The following BRD3 variants were observed in gnomAD, a reference collection of about 807,000 sequenced individuals.
BRD3 encodes bromodomain containing 3.
Under a neutral mutation model 66.8 loss-of-function variants are expected in BRD3, and 17 were observed. That is an observed-to-expected ratio of 0.25 (90% CI 0.17 to 0.38). The LOEUF (loss-of-function observed/expected upper bound fraction) is 0.38, where lower values mean the gene tolerates loss of function less well. BRD3 is among the 10% of genes least tolerant of loss of function. BRD3 has a pLI of 1.00. For synonymous variants in BRD3, 421 were observed against 393.2 expected, an observed-to-expected ratio of 1.07 and a Z score of -0.84; for missense variants, 713 against 956.1, an observed-to-expected ratio of 0.75 and a Z score of 3.35.
Position 134,031,501 on chromosome 9 carries a change from C to T in BRD3, c.*2089G>A, listed in dbSNP as rs1030489138. ...TCTGTTTAGAAAATACCTTTGAAAA[C>T]GAGGGTAACTTTAAAAAATGGAAAC... is the stretch of plus-strand genomic sequence containing the variant. On this transcript the variant is annotated 3_prime_UTR_variant, in exon 12 of 12. Transcript: ENST00000303407. 14 of 193,182 alleles carry T rather than the reference C, an allele frequency of 7.2e-5. No homozygotes were observed. Among genetic ancestry groups the T allele is most frequent in the South Asian group, 2.0e-4 (1 of 4,916 alleles). 12.0% of individuals were successfully genotyped at this position (193,182 alleles called of 1,614,324 possible).
intron 9 of BRD3, among the ~76,000 whole-genome samples, chr9:134,037,697 A>G (rs997957054): frequency 1.4e-5 from 2 of 140,554 alleles, no homozygotes; most frequent in Admixed American, 7.5e-5. Flanking sequence ...AGAAATAAAT[A>G]AAAGTAAAAA....
chr9:134,034,710 C>T lies in BRD3; in HGVS notation c.2056G>A (p.Ala686Thr), dbSNP rs770784423. The stretch of plus-strand genomic sequence containing the variant: ...CGGCCGCCAGCGGTACCTTTCCGGG[C>T]GGGCTTCTTGCTGCTGCTCAGCTGC... Reference protein sequence around the residue: ...SGQLSSSKKPARKEKPGSAPS... With the variant: ...SGQLSSSKKPTRKEKPGSAPS... The change falls in exon 11 of 12, where the codon GCC becomes ACC. Residue 686 changes from alanine to threonine, a missense_variant. By Grantham distance (58) the Ala-to-Thr change is moderately conservative (BLOSUM62 0). This residue lies in a region of BRD3 where 42 missense variants were observed against 29.2 expected (regional missense o/e 1.44). Coordinates refer to ENST00000303407, the MANE Select transcript of BRD3 (RefSeq NM_007371.4). 1.0e-5 allele frequency: 16 copies of T among 1,604,998 alleles called. No homozygotes were observed. The highest frequency in any genetic ancestry group is 4.0e-5 in the African/African-American group (3 of 74,936).
intron 1 of BRD3, among the ~76,000 whole-genome samples, 157 bp downstream of exon 1, chr9:134,067,788 C>A (rs777679857): frequency 3.5e-5 from 5 of 143,850 alleles, no homozygotes; most frequent in Non-Finnish European, 6.2e-5. Context: ...CGCACAAAGG[C>A]GGCGGCGGCG....
Position 134,048,298 on chromosome 9 carries a change from T to A in BRD3, c.871A>T (p.Lys291Ter). 6.2e-7 allele frequency: 1 copy of A among 1,604,322 alleles called. No individual in the cohort carries two copies. Residue 291 changes from lysine (K) to a stop codon, truncating the protein, a stop_gained, in exon 6 of 12, where the codon AAG (lysine) becomes TAG (stop). Transcript: ENST00000303407. LOFTEE classifies it high-confidence loss of function. ...GGCACCTCGCCGTCCTCCAGGTCCT[T>A]CTTGGGAGGCTTGATGGGGCGGCCA... Reference protein sequence around the residue: ...SGGRPIKPPKKDLEDGEVPQH... With the variant: ...SGGRPIKPPK
chr9:134,051,145 C>G (rs1434098357), intron 4 of BRD3, among the ~76,000 whole-genome samples: 2 of 152,190 alleles, frequency 1.3e-5, no homozygotes. Flanking sequence ...ACCAGGGAAC[C>G]AGGCAGGTGA....
chr9:134,062,541 T>G (rs1716789754), intron 1 of BRD3, among the ~76,000 whole-genome samples: 1 of 151,994 alleles, frequency 6.6e-6, no homozygotes, highest in Admixed American at 6.6e-5. Flanking sequence ...TCTCTGAAGG[T>G]TTCCCTTCCT....
Position 134,030,677 on chromosome 9 carries a change from C to CA in BRD3, c.*2912dup. On this transcript the variant is annotated 3_prime_UTR_variant, in exon 12 of 12. Transcript: ENST00000303407. ...TCTGTATGTGGGTGTTACTCTTTCC[C>CA]AAAAGACTGTCAGAGGCGTGAGTGC... The CA allele has an allele frequency of 4.3e-6, 1 of 230,104 alleles. No homozygotes were observed. The highest frequency in any genetic ancestry group is 8.6e-6 in the Non-Finnish European group (1 of 116,078). 14.3% of individuals were successfully genotyped at this position (230,104 alleles called of 1,614,324 possible).
chr9:134,051,339 G>A lies in BRD3; in HGVS notation c.499+223C>T, dbSNP rs532541254. Among the ~76,000 whole-genome samples, 3 of 152,336 alleles carry A rather than the reference G, an allele frequency of 2.0e-5. No homozygotes were observed. The South Asian group carries it at 6.2e-4, about 32-fold the overall frequency. On this transcript the variant is annotated intron_variant, in intron 4 of 11. Coordinates refer to ENST00000303407, the MANE Select transcript of BRD3 (RefSeq NM_007371.4). ...TAGACCATGAGCTCCTCCCCAGCGT[G>A]GGCTCAAAGGCAGCCAGCTATGGCG...
intron 1 of BRD3, among the ~76,000 whole-genome samples, chr9:134,055,530 T>TC (rs1250237114): frequency 2.0e-5 from 3 of 152,016 alleles, no homozygotes; most frequent in Non-Finnish European, 2.9e-5. Context: ...TCCTTCCACT[T>TC]CCCCACGAGG....
chr9:134,040,599 A>T (rs1028605144), intron 8 of BRD3, among the ~76,000 whole-genome samples: 1 of 152,256 alleles, frequency 6.6e-6, no homozygotes, highest in Admixed American at 6.5e-5. Flanking sequence ...TCGGGGATAC[A>T]TGTGCAGAAT....
chr9:134,054,214 G>A (rs1234702344), intron 1 of BRD3: 2 of 152,324 alleles, frequency 1.3e-5, no homozygotes, highest in African/African-American at 2.4e-5. Flanking sequence ...CCTGGCTCTC[G>A]GCCAATCAGA....
In BRD3 at chr9:134,041,771, G is replaced by A; in HGVS notation, c.1396C>T (p.Leu466=). 6.2e-7 allele frequency: 1 copy of A among 1,610,072 alleles called. No homozygotes were observed. Among genetic ancestry groups the A allele is most frequent in the South Asian group, 1.1e-5 (1 of 90,774 alleles). Residue 466 remains leucine, a synonymous_variant, in exon 8 of 12, where the codon CTG becomes TTG. Transcript: ENST00000303407. ...EEERATRLAE[L]QEQLKAVHEQ... is the part of the protein sequence containing the mutation. ...ATGCCAGTGCCCACCTGCTCCTGCA[G>A]CTCCGCCAGCCTGGTGGCCCGCTCC...
chr9:134,050,569 G>A lies in BRD3; in HGVS notation c.519C>T (p.Ala173=), dbSNP rs1588289399. 12 of 1,606,742 alleles carry A rather than the reference G, an allele frequency of 7.5e-6. No individual in the cohort carries two copies. Among genetic ancestry groups the A allele is most frequent in the East Asian group, 2.2e-5 (1 of 44,860 alleles). The change falls in exon 5 of 12, where the codon GCC becomes GCT. Residue 173 remains alanine (A), a synonymous_variant. Transcript: ENST00000303407. ...AQSAGTQQVA[A]VSSVSPATPF... ...GGGTCGCTGGGGAGACAGAGGACAC[G>A]GCCGCCACTTGCTGTGTACCTTCAA...
Position 134,045,472 on chromosome 9 carries a change from C to T in BRD3, c.1087-51G>A. On this transcript the variant is annotated intron_variant, in intron 6 of 11. Coordinates refer to ENST00000303407, the MANE Select transcript of BRD3 (RefSeq NM_007371.4). The surrounding 1 kb of genome is among the most constrained non-coding windows in gnomAD (Gnocchi z 4.8). ...GTGAGCGTGGCCCGTGGCATCAGGACTCTCTGCCACACCCCACGAGATGAA... is the reference window on the plus strand; with the variant it reads ...GTGAGCGTGGCCCGTGGCATCAGGATTCTCTGCCACACCCCACGAGATGAA... 6.2e-7 allele frequency: 1 copy of T among 1,609,042 alleles called. No homozygotes were observed. Among genetic ancestry groups the T allele is most frequent in the Non-Finnish European group, 8.5e-7 (1 of 1,177,326 alleles).
intron 4 of BRD3, 103 bp downstream of exon 4, chr9:134,051,459 A>T: frequency 7.8e-7 from 1 of 1,276,632 alleles, no homozygotes; most frequent in Non-Finnish European, 1.0e-6. Context: ...TCGTCACGAC[A>T]GATGGGAAAC....
chr9:134,047,079 A>T (rs1406733893), intron 6 of BRD3, among the ~76,000 whole-genome samples: 1 of 152,210 alleles, frequency 6.6e-6, no homozygotes, highest in Non-Finnish European at 1.5e-5. Context: ...CAGTGGAGCC[A>T]GGCGGCCCCG....
chr9:134,040,308 G>GC (rs770068122), intron 8 of BRD3, 39 bp from the exon 9 acceptor site: 10 of 1,569,156 alleles, frequency 6.4e-6, no homozygotes, highest in Non-Finnish European at 8.6e-6. Flanking sequence ...GCTGGGCACG[G>GC]CCCACACCAC....
At chr9:134,035,551 G>A (rs1360929830) in intron 10 of BRD3, among the ~76,000 whole-genome samples, 1 of 152,164 alleles carries the variant, frequency 6.6e-6, no homozygotes, top group African/African-American at 2.4e-5. Flanking sequence ...GAGGCTTCTG[G>A]ACTTGTGACC....
chr9:134,035,918 G>A, intron 10 of BRD3, 114 bp downstream of exon 10: 1 of 1,382,214 alleles, frequency 7.2e-7, no homozygotes, highest in Non-Finnish European at 9.7e-7. Context: ...AGCCAAGACA[G>A]CGTGGCAGCC....
Sources: gnomAD v4.1 joint callset for allele counts (sites outside exome capture counted in the v4.1 genomes callset) on GRCh38, gnomAD v4.1.1 for gene constraint, gnomAD v4.1.1 regional missense constraint, Gnocchi (gnomAD v3.1) non-coding constraint, MANE v1.5 for transcripts, NCBI Gene and HGNC (gene_info 2026-07-23, HGNC 2026-07-21) for gene names.